The following GALNT13 variants were observed in gnomAD, a reference collection of about 807,000 sequenced individuals.
GALNT13 encodes the protein polypeptide N-acetylgalactosaminyltransferase 13, also known as UDP-GalNAc:polypeptide N-acetylgalactosaminyltransferase 13.
Under a neutral mutation model 64.2 loss-of-function variants are expected in GALNT13, and 28 were observed. The observed-to-expected ratio is 0.44, with a 90% CI of 0.32 to 0.60. GALNT13 has a LOEUF of 0.60. GALNT13 is among the 20% of genes least tolerant of loss of function. GALNT13 has a pLI of 0.05. For missense variants in GALNT13, 577 were observed against 669.8 expected, an observed-to-expected ratio of 0.86 and a Z score of 1.53; for synonymous variants, 214 against 224.6, an observed-to-expected ratio of 0.95 and a Z score of 0.42.
the GALNT13 span, among the ~76,000 whole-genome samples, chr2:153,654,918 G>A: frequency 6.6e-6 from 1 of 151,928 alleles, no homozygotes; most frequent in Non-Finnish European, 1.5e-5. Flanking sequence ...TTCCACACTA[G>A]ATATAAGTTC....
the GALNT13 span, among the ~76,000 whole-genome samples, chr2:153,258,863 C>G: frequency 6.6e-6 from 1 of 152,060 alleles, no homozygotes; most frequent in Non-Finnish European, 1.5e-5. Flanking sequence ...GTTTTGTTGC[C>G]TAACATATGG....
At chr2:153,562,110 T>A in the GALNT13 span, among the ~76,000 whole-genome samples, 1 of 130,860 alleles carries the variant, frequency 7.6e-6, no homozygotes, top group African/African-American at 3.0e-5. Context: ...GTGTGTGGTG[T>A]AGGCATGTGG....
chr2:153,993,231 T>G (rs975419009), intron 3 of GALNT13, among the ~76,000 whole-genome samples: 2 of 152,176 alleles, frequency 1.3e-5, no homozygotes, highest in Non-Finnish European at 2.9e-5. Context: ...ATTTGACAAC[T>G]TTAGATATTT....
the GALNT13 span, among the ~76,000 whole-genome samples, chr2:153,748,334 GT>G: frequency 6.6e-6 from 1 of 152,002 alleles, no homozygotes; most frequent in African/African-American, 2.4e-5. Flanking sequence ...TATAGTTTTA[GT>G]TTTTTTAGGA....
chr2:153,766,145 A>AT, the GALNT13 span, among the ~76,000 whole-genome samples: 3,409 of 144,898 alleles, frequency 0.024, 135 homozygotes, highest in African/African-American at 0.08. Context: ...CATGGTTGGC[A>AT]TTTTTTTTTT....
At chr2:153,935,841 G>A (rs1690872007) in intron 2 of GALNT13, among the ~76,000 whole-genome samples, 1 of 152,288 alleles carries the variant, frequency 6.6e-6, no homozygotes, top group African/African-American at 2.4e-5. Context: ...AACTCTTGGT[G>A]TACAAGCCAT....
the GALNT13 span, among the ~76,000 whole-genome samples, chr2:153,454,421 AC>A: frequency 6.6e-6 from 1 of 152,088 alleles, no homozygotes; most frequent in Non-Finnish European, 1.5e-5. Flanking sequence ...GGCAGCTGAG[AC>A]CTGTTCTTTG....
intron 9 of GALNT13, among the ~76,000 whole-genome samples, chr2:154,329,818 CT>C: frequency 6.6e-6 from 1 of 152,124 alleles, no homozygotes; most frequent in South Asian, 2.1e-4. Flanking sequence ...ACCTCTGCCT[CT>C]TTCCTTCTTT....
At chr2:153,403,715 T>C in the GALNT13 span, among the ~76,000 whole-genome samples, 83,389 of 151,730 alleles carry the variant, frequency 0.55, 25,143 homozygotes, top group African/African-American at 0.82. Flanking sequence ...TCACCCCTTT[T>C]TTTGACTCGG....
chr2:153,544,504 T>C, the GALNT13 span, among the ~76,000 whole-genome samples: 2 of 152,198 alleles, frequency 1.3e-5, no homozygotes, highest in Admixed American at 1.3e-4. Flanking sequence ...CACATGTCAA[T>C]TTGGTATATT....
intron 9 of GALNT13, among the ~76,000 whole-genome samples, chr2:154,395,790 A>T (rs1376935962): frequency 6.6e-6 from 1 of 152,230 alleles, no homozygotes; most frequent in African/African-American, 2.4e-5. Flanking sequence ...TTGAAAAGTC[A>T]TAACCAATGG....
Position 154,351,682 on chromosome 2 carries a change from C to CAAAAAAAAAAAAAAAA in GALNT13, c.1157-44286_1157-44271dup, listed in dbSNP as rs567606376. 1.3e-4 allele frequency among the ~76,000 whole-genome samples: 6 copies of CAAAAAAAAAAAAAAAA among 44,666 alleles called. 1 individual carries two copies. The highest frequency in any genetic ancestry group is 9.7e-4 in the South Asian group (1 of 1,032). The allele number at this position is 44,666 out of a possible 152,430, so 29.3% of individuals were successfully genotyped here. A position where few individuals can be genotyped will look rare whatever the true frequency, so the allele number is the denominator to read the frequency against. On this transcript the variant is annotated intron_variant, in intron 9 of 12. Coordinates refer to ENST00000392825, the MANE Select transcript of GALNT13 (RefSeq NM_052917.4). Reference sequence around the variant, plus strand: ...TGGGCGACAAAGCGAGACTCCGTCTCAAAAAAAAAAAAAAAAAAAAAAAAA... The same window carrying CAAAAAAAAAAAAAAAA: ...TGGGCGACAAAGCGAGACTCCGTCTCAAAAAAAAAAAAAAAAAAAAAAAAAAAAAAAAAAAAAAAAA...
chr2:153,988,069 TATATAC>T (rs1461087340), intron 3 of GALNT13, among the ~76,000 whole-genome samples: 5 of 143,406 alleles, frequency 3.5e-5, no homozygotes, highest in Non-Finnish European at 4.7e-5. Context: ...TATATATATA[TATATAC>T]ACACACACAC....
the GALNT13 span, among the ~76,000 whole-genome samples, chr2:153,603,186 C>CATCT: frequency 6.6e-6 from 1 of 151,880 alleles, no homozygotes; most frequent in Non-Finnish European, 1.5e-5. Context: ...AGTACTTGTG[C>CATCT]ATCTTCTGGG....
the GALNT13 span, among the ~76,000 whole-genome samples, chr2:153,769,292 C>A: frequency 2.6e-5 from 4 of 152,020 alleles, no homozygotes; most frequent in Non-Finnish European, 5.9e-5. Flanking sequence ...CAAATTCCCT[C>A]AGCTTTTGTT....
intron 8 of GALNT13, among the ~76,000 whole-genome samples, chr2:154,297,892 A>G (rs1331198130): frequency 1.3e-5 from 2 of 152,146 alleles, no homozygotes; most frequent in Admixed American, 1.3e-4. Flanking sequence ...AAAAAATAGA[A>G]AAAAATAAGA....
chr2:153,394,039 C>G, the GALNT13 span, among the ~76,000 whole-genome samples: 1 of 151,436 alleles, frequency 6.6e-6, no homozygotes, highest in Non-Finnish European at 1.5e-5. Flanking sequence ...ATATAGGCCA[C>G]GTGACTTGTG....
chr2:153,380,039 G>C, the GALNT13 span, among the ~76,000 whole-genome samples: 80 of 151,974 alleles, frequency 5.3e-4, 1 homozygote, highest in African/African-American at 1.9e-3. Context: ...GAGAACAGTG[G>C]TAAGTGGAGG....
At chr2:153,196,832 C>A in the GALNT13 span, among the ~76,000 whole-genome samples, 2 of 152,142 alleles carry the variant, frequency 1.3e-5, no homozygotes, top group Non-Finnish European at 2.9e-5. Context: ...TGGCACCACC[C>A]TGGGCCCAGC....
Sources: allele counts gnomAD v4.1 joint callset (sites outside exome capture counted in the v4.1 genomes callset), GRCh38; gene constraint gnomAD v4.1.1; transcripts MANE v1.5; gene names NCBI Gene and HGNC (gene_info 2026-07-23, HGNC 2026-07-21).